The following ESYT2 variants were observed in gnomAD, a reference collection of about 807,000 sequenced individuals.
ESYT2 encodes the protein extended synaptotagmin-2.
Under a neutral mutation model 107.2 loss-of-function variants are expected in ESYT2, and 54 were observed. That is an observed-to-expected ratio of 0.50 (90% CI 0.40 to 0.63). The LOEUF is 0.63. Among genes scored for constraint, ESYT2 ranks in the 30% least tolerant of loss-of-function variants. The pLI is 0.00. For missense variants in ESYT2, 1,020 were observed against 1,094.5 expected (o/e 0.93, Z 0.96); for synonymous variants, 491 against 434.1 (o/e 1.13, Z -1.63).
intron 13 of ESYT2, among the ~76,000 whole-genome samples, 155 bp from the exon 14 acceptor site, chr7:158,752,998 T>C (rs1363197235): frequency 3.9e-5 from 6 of 152,198 alleles, no homozygotes; most frequent in Non-Finnish European, 7.3e-5. Flanking sequence ...ATGCCACGTA[T>C]AAAATTCTTT....
intron 13 of ESYT2, among the ~76,000 whole-genome samples, chr7:158,755,166 G>A (rs943191305): frequency 8.3e-4 from 126 of 152,298 alleles, no homozygotes; most frequent in African/African-American, 2.9e-3. Context: ...CCTGGAGCTG[G>A]AATTCAAGGT....
chr7:158,738,242 G>A (rs1837037217), intron 19 of ESYT2, among the ~76,000 whole-genome samples: 1 of 150,664 alleles, frequency 6.6e-6, no homozygotes, highest in Non-Finnish European at 1.5e-5. Context: ...AACCCAAGAA[G>A]CGGAAGTTGC....
intron 6 of ESYT2, among the ~76,000 whole-genome samples, chr7:158,774,754 A>G (rs1838491057): frequency 6.6e-6 from 1 of 152,234 alleles, no homozygotes; most frequent in Non-Finnish European, 1.5e-5. Flanking sequence ...AGAACATATC[A>G]AAGATATAGC....
At chr7:158,745,075 T>C (rs1052317841) in intron 16 of ESYT2, among the ~76,000 whole-genome samples, 2 of 152,210 alleles carry the variant, frequency 1.3e-5, no homozygotes, top group South Asian at 2.1e-4. Context: ...CAAAAGTAAT[T>C]GCAGTTTCAA....
chr7:158,797,711 G>A (rs143237816), intron 3 of ESYT2, among the ~76,000 whole-genome samples: 2,594 of 152,018 alleles, frequency 0.017, 66 homozygotes, highest in African/African-American at 0.059. Flanking sequence ...AAAATTAGCC[G>A]GGCGTGGTGG....
At position 158,741,906 on chromosome 7, in the gene ESYT2, G is replaced by A; in HGVS notation, c.1795-10C>T. ...TTTCGAGATGGAGCACCTAGAGGTGGACATAAACATAAAAATTAAACTTGG... is the reference window on the plus strand; with the variant it reads ...TTTCGAGATGGAGCACCTAGAGGTGAACATAAACATAAAAATTAAACTTGG... On this transcript the variant is annotated splice_polypyrimidine_tract_variant and intron_variant, in intron 17 of 22. Transcript: ENST00000275418. The A allele has an allele frequency of 1.3e-6, 2 of 1,562,000 alleles. No homozygotes were observed. The highest frequency in any genetic ancestry group is 2.4e-5 in the South Asian group (2 of 82,646).
At chr7:158,760,999 T>C (rs1837941443) in intron 11 of ESYT2, among the ~76,000 whole-genome samples, 2 of 152,360 alleles carry the variant, frequency 1.3e-5, no homozygotes, top group South Asian at 4.1e-4. Flanking sequence ...CCACCACAAA[T>C]GTTTCCTTTT....
intron 1 of ESYT2, among the ~76,000 whole-genome samples, chr7:158,815,212 T>G (rs1840117780): frequency 6.6e-6 from 1 of 152,210 alleles, no homozygotes; most frequent in Admixed American, 6.5e-5. Context: ...CCACACGGTC[T>G]TCCGCCTCTC....
chr7:158,745,244 C>G (rs1307604109), intron 16 of ESYT2, among the ~76,000 whole-genome samples: 1 of 80,830 alleles, frequency 1.2e-5, no homozygotes, highest in Non-Finnish European at 3.4e-5. Context: ...ATGACCAGGT[C>G]TCCTAGGCCC....
At chr7:158,809,252 C>T (rs1411821508) in intron 1 of ESYT2, among the ~76,000 whole-genome samples, 1 of 151,704 alleles carries the variant, frequency 6.6e-6, no homozygotes, top group African/African-American at 2.4e-5. Flanking sequence ...CCAAGGCGGG[C>T]GGATCACAAC....
chr7:158,763,290 AT>A (rs1838038694), intron 9 of ESYT2, 125 bp from the exon 10 acceptor site: 1 of 388,752 alleles, frequency 2.6e-6, no homozygotes, highest in Non-Finnish European at 4.3e-6. Context: ...TTATTTATTT[AT>A]TTATTTATTT....
chr7:158,741,895 A>G lies in ESYT2; in HGVS notation c.1796T>C (p.Val599Ala). Reference protein sequence around the residue: ...STIKMKIALRVLHLEKRERPP... With the variant: ...STIKMKIALRALHLEKRERPP... ...CCTTTCTCGCTTTTCGAGATGGAGC[A>G]CCTAGAGGTGGACATAAACATAAAA... Residue 599 changes from valine (V) to alanine (A), a missense_variant and splice_region_variant, in exon 18 of 23, where the codon GTG becomes GCG. Val to Ala is a moderately conservative substitution (Grantham distance 64). Coordinates refer to ENST00000275418, the MANE Select transcript of ESYT2 (RefSeq NM_001367773.1). The G allele has an allele frequency of 1.9e-6, 3 of 1,586,520 alleles. No individual in the cohort carries two copies. The highest frequency in any genetic ancestry group is 1.7e-6 in the Non-Finnish European group (2 of 1,167,904).
chr7:158,796,662 A>T (rs1022753118), intron 3 of ESYT2, among the ~76,000 whole-genome samples: 3 of 152,238 alleles, frequency 2.0e-5, no homozygotes, highest in Non-Finnish European at 4.4e-5. Context: ...GGAGGCTGAC[A>T]TGGCCAAGAC....
At chr7:158,750,360 T>C (rs6964925) in intron 14 of ESYT2, among the ~76,000 whole-genome samples, 19,451 of 152,078 alleles carry the variant, frequency 0.13, 1,401 homozygotes, top group African/African-American at 0.2. Flanking sequence ...CTAGCACAGA[T>C]AGTTGATAGG....
chr7:158,792,594 T>A (rs1839335578), intron 4 of ESYT2, among the ~76,000 whole-genome samples: 1 of 150,962 alleles, frequency 6.6e-6, no homozygotes, highest in African/African-American at 2.4e-5. Context: ...ATATATAATG[T>A]CTTTCTTCCT....
At chr7:158,767,537 G>C (rs1004879912) in intron 8 of ESYT2, 117 bp downstream of exon 8, 2 of 1,380,616 alleles carry the variant, frequency 1.4e-6, no homozygotes, top group Admixed American at 4.2e-5. Context: ...ATCAAGACCC[G>C]TGTGGCAAGC....
At chr7:158,814,709 G>A (rs1267005567) in intron 1 of ESYT2, among the ~76,000 whole-genome samples, 4 of 152,180 alleles carry the variant, frequency 2.6e-5, no homozygotes, top group African/African-American at 9.7e-5. Flanking sequence ...CCACCACCCT[G>A]GTGTCTCTGG....
intron 7 of ESYT2, among the ~76,000 whole-genome samples, chr7:158,769,617 C>T (rs1838284627): frequency 6.6e-6 from 1 of 152,218 alleles, no homozygotes; most frequent in Admixed American, 6.5e-5. Context: ...TAATCTTCAC[C>T]CTTCTTAAAC....
chr7:158,778,495 G>A (rs1416706079), intron 6 of ESYT2, among the ~76,000 whole-genome samples: 1 of 151,684 alleles, frequency 6.6e-6, no homozygotes, highest in African/African-American at 2.4e-5. Flanking sequence ...CTAGTTGCAG[G>A]CTATTAAAAA....
Sources: allele counts gnomAD v4.1 joint callset (sites outside exome capture counted in the v4.1 genomes callset), GRCh38; gene constraint gnomAD v4.1.1; transcripts MANE v1.5; gene names NCBI Gene and HGNC (gene_info 2026-07-23, HGNC 2026-07-21).